The following PFKFB3 variants were observed in gnomAD, a reference collection of about 807,000 sequenced individuals.
PFKFB3 encodes the protein 6-phosphofructo-2-kinase/fructose-2,6-biphosphatase 3.
PFKFB3 carries 33 observed loss-of-function variants against 68.0 expected under a neutral mutation model. The observed-to-expected ratio is 0.49, with a 90% CI of 0.37 to 0.65. The LOEUF (loss-of-function observed/expected upper bound fraction) is 0.65. PFKFB3 is among the 30% of genes least tolerant of loss of function. The pLI is 0.00. For synonymous variants in PFKFB3, 315 were observed against 288.2 expected (o/e 1.09, Z -0.94); for missense variants, 586 against 712.2 (o/e 0.82, Z 2.02).
At chr10:6,268,612 G>C in the PFKFB3 span, among the ~76,000 whole-genome samples, 1 of 150,132 alleles carries the variant, frequency 6.7e-6, no homozygotes, top group South Asian at 2.1e-4. Flanking sequence ...GTGACAGAAT[G>C]ATACTCCGTC....
At chr10:6,264,313 T>G in the PFKFB3 span, among the ~76,000 whole-genome samples, 11 of 152,234 alleles carry the variant, frequency 7.2e-5, no homozygotes, top group African/African-American at 2.7e-4. Flanking sequence ...AAGATTGTCT[T>G]GGCTATTCTT....
chr10:6,261,344 C>G, the PFKFB3 span, among the ~76,000 whole-genome samples: 1 of 152,168 alleles, frequency 6.6e-6, no homozygotes, highest in Non-Finnish European at 1.5e-5. Context: ...ATCCCTTAAA[C>G]GCTGTCTTTG....
Position 6,234,151 on chromosome 10 carries a change from G to C in PFKFB3, c.*1209G>C, listed in dbSNP as rs1159929208. On this transcript the variant is annotated 3_prime_UTR_variant, in exon 15 of 15. Transcript: ENST00000379775. ...TTCTCCTCATTGCCTCAAACCCTGG[G>C]GTAGGTGGGACGGGGGGTCTCGTGC... 6.6e-6 allele frequency: 1 copy of C among 152,462 alleles called. No individual in the cohort carries two copies. Among genetic ancestry groups the C allele is most frequent in the Non-Finnish European group, 1.5e-5 (1 of 68,120 alleles). The allele number at this position is 152,462 out of a possible 1,614,324, so 9.4% of individuals were successfully genotyped here. A position where few individuals can be genotyped will look rare whatever the true frequency, so the allele number is the denominator to read the frequency against.
chr10:6,169,526 A>G (rs867206153), intron 1 of PFKFB3, among the ~76,000 whole-genome samples: 2 of 152,102 alleles, frequency 1.3e-5, no homozygotes, highest in South Asian at 2.1e-4. Context: ...ATCTTGGGCC[A>G]TTGTGTCTGT....
At chr10:6,193,841 G>T (rs1843097372) in intron 1 of PFKFB3, among the ~76,000 whole-genome samples, 1 of 152,152 alleles carries the variant, frequency 6.6e-6, no homozygotes, top group Non-Finnish European at 1.5e-5. Flanking sequence ...TCTTAAGGGT[G>T]GGGGAGATTA....
intron 1 of PFKFB3, among the ~76,000 whole-genome samples, chr10:6,210,358 TTTTTTG>T (rs1564623258): frequency 0.025 from 823 of 32,338 alleles, 139 homozygotes; most frequent in Non-Finnish European, 0.095. Flanking sequence ...TTTTTTTTGT[TTTTTTG>T]TTTTTTTTTT....
chr10:6,228,598 C>T lies in PFKFB3; in HGVS notation c.1515+2233C>T, dbSNP rs759387771. ...CTGCATCTGTGCCAGGTGCCATTAG[C>T]CTTAAAGCCCCCTCCTGCCCCAGGA... On this transcript the variant is annotated intron_variant, in intron 14 of 14. Transcript: ENST00000379775. The surrounding 1 kb of genome is among the most constrained non-coding windows in gnomAD (Gnocchi z 4.5). 5.3e-5 allele frequency among the ~76,000 whole-genome samples: 8 copies of T among 152,120 alleles called. No individual in the cohort carries two copies. The highest frequency in any genetic ancestry group is 9.7e-5 in the African/African-American group (4 of 41,412).
intron 10 of PFKFB3, among the ~76,000 whole-genome samples, chr10:6,222,143 G>A (rs1400228666): frequency 6.6e-6 from 1 of 152,014 alleles, no homozygotes; most frequent in Non-Finnish European, 1.5e-5. Flanking sequence ...GATCCTCCTG[G>A]GCCTGGTGTG....
chr10:6,150,056 C>T (rs1841526600), intron 1 of PFKFB3: 1 of 152,244 alleles, frequency 6.6e-6, no homozygotes, highest in African/African-American at 2.4e-5. Flanking sequence ...TTGGATGTCT[C>T]TTCACGCCTT....
intron 1 of PFKFB3, among the ~76,000 whole-genome samples, chr10:6,176,139 C>A (rs616159): frequency 0.97 from 147,879 of 152,368 alleles, 71,846 homozygotes; most frequent in South Asian, 1. Context: ...TGAAGAAGAA[C>A]CAGCTATTGC....
chr10:6,175,324 G>A (rs531403326), intron 1 of PFKFB3, among the ~76,000 whole-genome samples: 2 of 152,288 alleles, frequency 1.3e-5, no homozygotes, highest in Admixed American at 6.5e-5. Flanking sequence ...GGCACTTTGG[G>A]GCACTTTCAG....
downstream of PFKFB3, among the ~76,000 whole-genome samples, chr10:6,236,988 G>T (rs1043661162): frequency 2.6e-5 from 4 of 152,178 alleles, no homozygotes; most frequent in African/African-American, 7.2e-5. Flanking sequence ...CGCTGCCTGG[G>T]CTCGGTTCCT....
At chr10:6,243,565 C>T (rs1214988669) in intron 14 of PFKFB3, among the ~76,000 whole-genome samples, 2 of 152,190 alleles carry the variant, frequency 1.3e-5, no homozygotes, top group East Asian at 3.8e-4. Flanking sequence ...GCAACGCTCC[C>T]CATAGAGGCT....
chr10:6,151,599 G>A (rs944859051), intron 1 of PFKFB3, among the ~76,000 whole-genome samples: 2 of 152,180 alleles, frequency 1.3e-5, no homozygotes, highest in African/African-American at 2.4e-5. Flanking sequence ...GACCCCTGGC[G>A]ATCAGATTCT....
chr10:6,282,539 T>C, the PFKFB3 span, among the ~76,000 whole-genome samples: 4 of 152,210 alleles, frequency 2.6e-5, no homozygotes, highest in Non-Finnish European at 5.9e-5. Flanking sequence ...GGCTGGGGCT[T>C]AGCCCTACCA....
the PFKFB3 span, among the ~76,000 whole-genome samples, chr10:6,280,710 G>A: frequency 1.6e-4 from 24 of 152,152 alleles, no homozygotes; most frequent in African/African-American, 5.3e-4. Context: ...AGAAGTCAGC[G>A]TCCCTGGTTA....
At chr10:6,268,579 T>G in the PFKFB3 span, among the ~76,000 whole-genome samples, 1 of 151,730 alleles carries the variant, frequency 6.6e-6, no homozygotes, top group Non-Finnish European at 1.5e-5. Flanking sequence ...GAGCCAAGAT[T>G]GTGCCACTGC....
At position 6,226,256 on chromosome 10, in the gene PFKFB3, A is replaced by G; in HGVS notation, c.1406A>G (p.Glu469Gly). The part of the protein sequence containing the change: ...RNSVTPLASP[E>G]PTKKPRINSF... The stretch of plus-strand genomic sequence containing the variant: ...AGTGTCACCCCGCTAGCCAGCCCCG[A>G]ACCCACCAAAAAGCCTCGCATCAAC... The change falls in exon 14 of 15, where the codon GAA becomes GGA. Residue 469 changes from glutamate to glycine, a missense_variant. By Grantham distance (98) the Glu-to-Gly change is moderately conservative. Coordinates refer to ENST00000379775, the MANE Select transcript of PFKFB3 (RefSeq NM_004566.4). 1 of 1,614,190 alleles carries G rather than the reference A, an allele frequency of 6.2e-7. No homozygotes were observed.
chr10:6,264,381 T>C, the PFKFB3 span, among the ~76,000 whole-genome samples: 1 of 152,224 alleles, frequency 6.6e-6, no homozygotes, highest in Non-Finnish European at 1.5e-5. Context: ...ATGAAAATTT[T>C]GCTAGGATTT....
Sources: gnomAD v4.1 joint callset for allele counts (sites outside exome capture counted in the v4.1 genomes callset) on GRCh38, gnomAD v4.1.1 for gene constraint, Gnocchi (gnomAD v3.1) non-coding constraint, MANE v1.5 for transcripts, NCBI Gene and HGNC (gene_info 2026-07-23, HGNC 2026-07-21) for gene names.